PARP14: variants seen among roughly 807,000 people sequenced by gnomAD.
The protein encoded by PARP14 is protein mono-ADP-ribosyltransferase PARP14.
A neutral mutation model predicts 154.2 loss-of-function variants in PARP14; 59 were observed. The observed-to-expected ratio is 0.38, with a 90% CI of 0.31 to 0.48. PARP14 has a LOEUF of 0.48. PARP14 is among the 20% of genes least tolerant of loss of function. PARP14 has a pLI of 0.98. For missense variants in PARP14, 1,734 were observed against 2,131.6 expected, an observed-to-expected ratio of 0.81 and a Z score of 3.67; for synonymous variants, 720 against 780.5, an observed-to-expected ratio of 0.92 and a Z score of 1.29.
In PARP14 at chr3:122,718,406, GT is replaced by G; in HGVS notation, c.4259del (p.Leu1420TrpfsTer30). 2 of 1,613,026 alleles carry G rather than the reference GT, an allele frequency of 1.2e-6. No individual in the cohort carries two copies. Among genetic ancestry groups the G allele is most frequent in the Non-Finnish European group, 1.7e-6 (2 of 1,179,696 alleles). On this transcript the variant is annotated frameshift_variant, in exon 14 of 17. Transcript: ENST00000474629. LOFTEE classifies it high-confidence loss of function. ...ATCTCCCCAAAAAAAGAATCATTTG[GT>G]TTTGGAAAAGAAAACAGAATCAGCA... ...KQSPQKKNHL[V>X]LEKKTESATF...
At position 122,700,777 on chromosome 3, in the gene PARP14, A is replaced by T. The variant is rs1177849805; in HGVS notation, c.2223A>T (p.Lys741Asn). The T allele has an allele frequency of 1.9e-6, 3 of 1,613,488 alleles. No individual in the cohort carries two copies. In the South Asian group the frequency reaches 3.3e-5, roughly 18 times the overall value. ...VKQVWDSVCV[K>N]SVHTDKPGAK... is the part of the protein sequence containing the mutation. ...AAGTCTGGGATTCAGTCTGTGTTAA[A>T]AGTGTCCATACTGATAAGCCAGGAG... is the stretch of plus-strand genomic sequence containing the variant. Residue 741 changes from lysine to asparagine, a missense_variant, in exon 6 of 17, where the codon AAA becomes AAT. By Grantham distance (94) the Lys-to-Asn change is moderately conservative. Around this residue, in one of 2 missense-constraint regions of PARP14, gnomAD observed 1,646 missense variants for 1,976.0 expected, o/e 0.83. Transcript: ENST00000474629.
rs755617641 is a variant in PARP14, at chr3:122,703,987, T to G, written c.3318+9T>G. ...GCACATCTTCACTCAAGGTTGGGCC[T>G]GGTTTTGAATTCTCCATGAAGTTGG... On this transcript the variant is annotated intron_variant, in intron 7 of 16. Coordinates refer to ENST00000474629, the MANE Select transcript of PARP14 (RefSeq NM_017554.3). 61 of 1,593,928 alleles carry G rather than the reference T, an allele frequency of 3.8e-5. No homozygotes were observed. Among genetic ancestry groups the G allele is most frequent in the Non-Finnish European group, 5.1e-5 (59 of 1,161,796 alleles).
At chr3:122,721,785 ACT>A (rs1260200457) in intron 15 of PARP14, 1 of 152,100 alleles carries the variant, frequency 6.6e-6, no homozygotes, top group African/African-American at 2.4e-5. Flanking sequence ...AATTTTTCTT[ACT>A]CTCTATTTGA....
Position 122,720,104 on chromosome 3 carries a change from G to A in PARP14, c.4808-151G>A, listed in dbSNP as rs1449023687. Reference sequence around the variant, plus strand: ...CAGTTGGTTCTGATGTAGGTTGTCTGTTGTTCATGCTTTGAAAAGCGTTCT... The same window carrying A: ...CAGTTGGTTCTGATGTAGGTTGTCTATTGTTCATGCTTTGAAAAGCGTTCT... On this transcript the variant is annotated intron_variant, in intron 14 of 16. Transcript: ENST00000474629. 44 of 745,520 alleles carry A rather than the reference G, an allele frequency of 5.9e-5. 1 individual carries two copies. In the East Asian group the frequency reaches 1.2e-3, roughly 20 times the overall value. 46.2% of individuals were successfully genotyped at this position (745,520 alleles called of 1,614,324 possible).
At chr3:122,687,036 A>G in intron 2 of PARP14, 44 bp from the exon 3 acceptor site, 1 of 1,372,928 alleles carries the variant, frequency 7.3e-7, no homozygotes, top group Non-Finnish European at 1.0e-6. Context: ...ATGTAAATAA[A>G]TTGTTAATCA....
intron 6 of PARP14, among the ~76,000 whole-genome samples, chr3:122,703,186 T>C (rs906655037): frequency 6.6e-6 from 1 of 152,122 alleles, no homozygotes; most frequent in Non-Finnish European, 1.5e-5. Context: ...TTGACCTCTC[T>C]AATCTAGCCC....
intron 2 of PARP14, chr3:122,686,820 A>G: frequency 2.4e-6 from 1 of 424,884 alleles, no homozygotes; most frequent in Non-Finnish European, 4.2e-6. Flanking sequence ...TCTCTGATGT[A>G]GGATGTACCT....
intron 9 of PARP14, 142 bp downstream of exon 9, chr3:122,708,410 G>A: frequency 1.6e-6 from 1 of 614,286 alleles, no homozygotes; most frequent in Non-Finnish European, 2.9e-6. Flanking sequence ...TCATATACCT[G>A]AGCATGTAAG....
At chr3:122,706,467 A>G (rs1190709101) in intron 8 of PARP14, among the ~76,000 whole-genome samples, 4 of 152,238 alleles carry the variant, frequency 2.6e-5, no homozygotes, top group Admixed American at 2.6e-4. Context: ...ACATTTAAAA[A>G]TCAAAAATTT....
chr3:122,696,491 T>C (rs1432767135), intron 5 of PARP14, among the ~76,000 whole-genome samples: 1 of 152,146 alleles, frequency 6.6e-6, no homozygotes, highest in Non-Finnish European at 1.5e-5. Flanking sequence ...TGAATTAAAA[T>C]GGAATGAAAG....
At chr3:122,687,591 G>A (rs535745136) in intron 3 of PARP14, among the ~76,000 whole-genome samples, 2 of 152,298 alleles carry the variant, frequency 1.3e-5, no homozygotes, top group South Asian at 4.1e-4. Context: ...TGCAGGATTG[G>A]ATTGGAGGAT....
rs1210523927 is a variant in PARP14 at position 122,700,320 on chromosome 3, A to C, written c.1766A>C (p.Glu589Ala). The stretch of plus-strand genomic sequence containing the variant: ...TCTTCTGAAGCCCTGTTAGAAGCAG[A>C]AAAGCAAATGCTCAGTGCCTTAAAT... ...SCSSEALLEA[E>A]KQMLSALNYK... Residue 589 changes from glutamate to alanine, a missense_variant, in exon 6 of 17, where the codon GAA becomes GCA. By Grantham distance (107) the Glu-to-Ala change is moderately radical. This residue lies in a region of PARP14 where 1,646 missense variants were observed against 1,976.0 expected (regional missense o/e 0.83). Transcript: ENST00000474629. The C allele has an allele frequency of 6.2e-7, 1 of 1,613,658 alleles. No individual in the cohort carries two copies. Among genetic ancestry groups the C allele is most frequent in the Non-Finnish European group, 8.5e-7 (1 of 1,179,776 alleles).
chr3:122,710,026 T>C lies in PARP14; in HGVS notation c.3619+1758T>C, dbSNP rs1250423629. Reference sequence around the variant, plus strand: ...CATTCTGTGGATTGTCTGCTTACTCTCCTGATTACTTTGCTGTGCAGAAGC... The same window carrying C: ...CATTCTGTGGATTGTCTGCTTACTCCCCTGATTACTTTGCTGTGCAGAAGC... On this transcript the variant is annotated intron_variant, in intron 9 of 16. Coordinates refer to ENST00000474629, the MANE Select transcript of PARP14 (RefSeq NM_017554.3). Among the ~76,000 whole-genome samples the C allele has an allele frequency of 2.0e-5, 3 of 152,252 alleles. No homozygotes were observed. The South Asian group carries it at 6.2e-4, about 32-fold the overall frequency.
intron 9 of PARP14, among the ~76,000 whole-genome samples, chr3:122,711,523 A>C (rs1939318770): frequency 6.6e-6 from 1 of 152,114 alleles, no homozygotes; most frequent in Admixed American, 6.5e-5. Context: ...ATCTGTGTTC[A>C]TCAGGGATAT....
Position 122,727,916 on chromosome 3 carries a change from T to C in PARP14, c.5046T>C (p.His1682=), listed in dbSNP as rs550575870. The change falls in exon 16 of 17, where the codon CAT becomes CAC. Residue 1682 remains histidine (H), a synonymous_variant. Transcript: ENST00000474629. ...GQTMNEKQLF[H]GTDAGSVPHV... is the part of the protein sequence containing the mutation. The stretch of plus-strand genomic sequence containing the variant: ...CAATGAATGAGAAGCAACTCTTCCA[T>C]GGGACAGATGCCGGCTCCGTGCCAC... 1.9e-6 allele frequency: 3 copies of C among 1,613,902 alleles called. No homozygotes were observed. The highest frequency in any genetic ancestry group is 2.7e-5 in the African/African-American group (2 of 75,060).
chr3:122,714,251 G>T lies in PARP14; in HGVS notation c.3833-11G>T. The T allele has an allele frequency of 6.3e-7, 1 of 1,581,102 alleles. No homozygotes were observed. Among genetic ancestry groups the T allele is most frequent in the Admixed American group, 2.0e-5 (1 of 50,780 alleles). ...CTACTAATTTTGCATCTTTTTGTCT[G>T]TGTTTCCCAGCTCAGCAGCGCAAAA... On this transcript the variant is annotated splice_polypyrimidine_tract_variant and intron_variant, in intron 11 of 16. Transcript: ENST00000474629.
chr3:122,718,774 C>T lies in PARP14; in HGVS notation c.4623C>T (p.Asp1541=), dbSNP rs754275713. 3 of 1,613,344 alleles carry T rather than the reference C, an allele frequency of 1.9e-6. No individual in the cohort carries two copies. The highest frequency in any genetic ancestry group is 2.5e-6 in the Non-Finnish European group (3 of 1,179,462). The stretch of plus-strand genomic sequence containing the variant: ...AGTTTATAGAATGGCAGTATAATGA[C>T]AATAACACTTCTCATTGTTTTAACA... ...ISEFIEWQYN[D]NNTSHCFNKM... is the part of the protein sequence containing the mutation. The change falls in exon 14 of 17, where the codon GAC becomes GAT. Residue 1541 remains aspartate (D), a synonymous_variant. Coordinates refer to ENST00000474629, the MANE Select transcript of PARP14 (RefSeq NM_017554.3).
chr3:122,683,961 G>A (rs1187920131), intron 1 of PARP14, among the ~76,000 whole-genome samples: 2 of 152,316 alleles, frequency 1.3e-5, no homozygotes, highest in East Asian at 3.9e-4. Context: ...GTTTAGTAAA[G>A]CCCTTCAGGA....
In PARP14 at chr3:122,728,293, T is replaced by G. The variant is rs2107657709; in HGVS notation, c.5117-15T>G. ...ATTAACTTGAAATGCTTAAAAATGG[T>G]TTTTCTTTTCACAGCTGTGGCATAT... is the stretch of plus-strand genomic sequence containing the variant. On this transcript the variant is annotated splice_polypyrimidine_tract_variant and intron_variant, in intron 16 of 16. Coordinates refer to ENST00000474629, the MANE Select transcript of PARP14 (RefSeq NM_017554.3). 6.2e-7 allele frequency: 1 copy of G among 1,601,962 alleles called. No homozygotes were observed. The highest frequency in any genetic ancestry group is 1.7e-4 in the Middle Eastern group (1 of 6,016).
Sources: allele counts gnomAD v4.1 joint callset (sites outside exome capture counted in the v4.1 genomes callset), GRCh38; gene constraint gnomAD v4.1.1; regional missense constraint gnomAD v4.1.1; transcripts MANE v1.5; gene names NCBI Gene and HGNC (gene_info 2026-07-23, HGNC 2026-07-21).